Variants in AFAP1 observed in about 807,000 individuals in gnomAD.
AFAP1 encodes actin filament associated protein 1.
AFAP1 carries 75 observed loss-of-function variants against 93.9 expected under a neutral mutation model. The ratio of observed to expected loss-of-function variants is 0.80; its 90% CI spans 0.66 to 0.97. The LOEUF (loss-of-function observed/expected upper bound fraction) is 0.97. Ranked by LOEUF, AFAP1 falls within the 50% of genes least tolerant of loss-of-function variation. AFAP1 has a pLI of 0.00. For synonymous variants in AFAP1, 517 were observed against 430.7 expected (o/e 1.20, Z -2.48); for missense variants, 1,201 against 1,050.8 (o/e 1.14, Z -1.98).
intron 4 of AFAP1, among the ~76,000 whole-genome samples, chr4:7,853,078 T>G (rs1577296756): frequency 6.6e-6 from 1 of 152,176 alleles, no homozygotes; most frequent in Non-Finnish European, 1.5e-5. Context: ...GGTGCCAAGG[T>G]GACCAAAGAT....
intron 1 of AFAP1, among the ~76,000 whole-genome samples, chr4:7,898,808 A>ATGTGTGTGT (rs1718940404): frequency 7.3e-6 from 1 of 136,956 alleles, no homozygotes. Flanking sequence ...GGGCAGTAGA[A>ATGTGTGTGT]GTGTGTGTGT....
At chr4:7,926,065 C>T (rs751239966) in intron 1 of AFAP1, among the ~76,000 whole-genome samples, 2 of 152,090 alleles carry the variant, frequency 1.3e-5, no homozygotes, top group African/African-American at 4.8e-5. Flanking sequence ...CGCAAAATGT[C>T]GAGAAAAAGG....
At chr4:7,874,696 C>T (rs75186959) in intron 1 of AFAP1, among the ~76,000 whole-genome samples, 3 of 151,766 alleles carry the variant, frequency 2.0e-5, no homozygotes, top group Admixed American at 6.6e-5. Context: ...ATTTTCTTCA[C>T]ATACTTCCAC....
intron 12 of AFAP1, among the ~76,000 whole-genome samples, chr4:7,782,927 A>C (rs1287271704): frequency 6.6e-6 from 1 of 152,332 alleles, no homozygotes; most frequent in African/African-American, 2.4e-5. Context: ...AGAGTTATTA[A>C]AACGGTCTAG....
intron 11 of AFAP1, among the ~76,000 whole-genome samples, chr4:7,792,975 G>A (rs1335057746): frequency 6.6e-6 from 1 of 152,028 alleles, no homozygotes; most frequent in Non-Finnish European, 1.5e-5. Context: ...TCCCAACAGT[G>A]GAAAAAGGAA....
chr4:7,786,054 G>T, intron 12 of AFAP1, 140 bp downstream of exon 12: 1 of 696,458 alleles, frequency 1.4e-6, no homozygotes. Context: ...GGAGAACAGA[G>T]ATGAGATGGA....
At chr4:7,874,635 G>A (rs1717379543) in intron 1 of AFAP1, among the ~76,000 whole-genome samples, 1 of 138,294 alleles carries the variant, frequency 7.2e-6, no homozygotes, top group African/African-American at 2.7e-5. Flanking sequence ...TGCCCACCTC[G>A]GCCTCCCAAA....
intron 1 of AFAP1, among the ~76,000 whole-genome samples, chr4:7,888,671 T>C (rs1718266814): frequency 6.6e-6 from 1 of 151,976 alleles, no homozygotes; most frequent in Non-Finnish European, 1.5e-5. Context: ...TTCTACAAAC[T>C]CTTGCAGAAA....
rs751564517 is a variant in AFAP1, at chr4:7,939,769, G to GGCCGCC, written c.-122_-117dup. The GGCCGCC allele has an allele frequency of 7.6e-6, 3 of 396,610 alleles. No individual in the cohort carries two copies. The highest frequency in any genetic ancestry group is 2.2e-5 in the African/African-American group (1 of 45,138). The allele number at this position is 396,610 out of a possible 1,614,324, so 24.6% of individuals were successfully genotyped here. On this transcript the variant is annotated 5_prime_UTR_variant, in exon 1 of 18. Coordinates refer to ENST00000420658, the MANE Select transcript of AFAP1 (RefSeq NM_001134647.2). The surrounding 1 kb of genome is among the most constrained non-coding windows in gnomAD (Gnocchi z 5.6). ...CCTTAACAATGGAGCCCCGGGGCGG[G>GGCCGCC]GCCGCCGCCGCCGCCTCAGCCCGTG...
At chr4:7,870,667 A>G (rs1023370008) in intron 2 of AFAP1, among the ~76,000 whole-genome samples, 2 of 152,148 alleles carry the variant, frequency 1.3e-5, no homozygotes, top group Non-Finnish European at 2.9e-5. Flanking sequence ...AAAGAAAAAA[A>G]AAAGTTAATA....
intron 1 of AFAP1, among the ~76,000 whole-genome samples, chr4:7,909,707 C>G (rs1719625333): frequency 6.6e-6 from 1 of 152,134 alleles, no homozygotes; most frequent in Non-Finnish European, 1.5e-5. Context: ...TCCAATTCAC[C>G]GTGGATCAGT....
chr4:7,862,948 G>A (rs1715903886), intron 3 of AFAP1, among the ~76,000 whole-genome samples: 1 of 152,200 alleles, frequency 6.6e-6, no homozygotes, highest in South Asian at 2.1e-4. Context: ...GACCCCTTTA[G>A]CAAGCCGGCT....
At chr4:7,863,185 G>T (rs1219387543) in intron 3 of AFAP1, among the ~76,000 whole-genome samples, 1 of 152,228 alleles carries the variant, frequency 6.6e-6, no homozygotes, top group Admixed American at 6.5e-5. Flanking sequence ...GGAGGCCGGG[G>T]TGTGTGGACT....
intron 1 of AFAP1, among the ~76,000 whole-genome samples, chr4:7,903,999 T>C (rs1167744092): frequency 1.3e-5 from 2 of 152,118 alleles, no homozygotes; most frequent in Non-Finnish European, 2.9e-5. Flanking sequence ...ATGTGTGTGT[T>C]TATTTGGCTG....
intron 11 of AFAP1, among the ~76,000 whole-genome samples, chr4:7,791,849 AAACAAAAAC>A (rs1255942776): frequency 0.015 from 2,214 of 147,682 alleles, 68 homozygotes; most frequent in African/African-American, 0.052. Context: ...AATCAAAAAA[AAACAAAAAC>A]AAAAAACAAC....
At chr4:7,885,596 G>A (rs1244056933) in intron 1 of AFAP1, among the ~76,000 whole-genome samples, 5 of 152,200 alleles carry the variant, frequency 3.3e-5, no homozygotes, top group Non-Finnish European at 5.9e-5. Context: ...TGTCAAGCAC[G>A]ATGCCTGATG....
At position 7,863,942 on chromosome 4, in the gene AFAP1, T is replaced by TCACAACCCCTTCCCAACTTCCCAC. The variant is rs1560207646; in HGVS notation, c.225+4679_225+4680insGTGGGAAGTTGGGAAGGGGTTGTG. 1.0e-4 allele frequency among the ~76,000 whole-genome samples: 12 copies of TCACAACCCCTTCCCAACTTCCCAC among 119,812 alleles called. 2 individuals are homozygous for TCACAACCCCTTCCCAACTTCCCAC. The highest frequency in any genetic ancestry group is 2.4e-4 in the East Asian group (1 of 4,244). 78.6% of individuals were successfully genotyped at this position (119,812 alleles called of 152,430 possible). On this transcript the variant is annotated intron_variant, in intron 3 of 17. Coordinates refer to ENST00000420658, the MANE Select transcript of AFAP1 (RefSeq NM_001134647.2). ...GCCCTTCAATGGCTTACTGTTGCTT[T>TCACAACCCCTTCCCAACTTCCCAC]CACAACCCATTCCCAACTTCCCATC...
chr4:7,891,562 C>T (rs1399784641), intron 1 of AFAP1, among the ~76,000 whole-genome samples: 1 of 152,006 alleles, frequency 6.6e-6, no homozygotes, highest in Non-Finnish European at 1.5e-5. Context: ...AGAGCTAATT[C>T]TGTTTTTCAT....
At chr4:7,764,357 G>A (rs1033163375) in intron 17 of AFAP1, among the ~76,000 whole-genome samples, 2 of 151,792 alleles carry the variant, frequency 1.3e-5, no homozygotes, top group African/African-American at 4.8e-5. Context: ...CCTAGGCAAC[G>A]TAGCGAGACC....
Sources: allele counts gnomAD v4.1 joint callset (sites outside exome capture counted in the v4.1 genomes callset), GRCh38; gene constraint gnomAD v4.1.1; non-coding constraint Gnocchi (gnomAD v3.1); transcripts MANE v1.5; gene names NCBI Gene and HGNC (gene_info 2026-07-23, HGNC 2026-07-21).